RANBP17: variants seen among roughly 807,000 people sequenced by gnomAD.
RANBP17 encodes ran-binding protein 17.
A neutral mutation model predicts 141.2 loss-of-function variants in RANBP17; 158 were observed. The ratio of observed to expected loss-of-function variants is 1.12; its 90% CI spans 0.98 to 1.28. The LOEUF is 1.28. RANBP17 is among the 50% of genes most tolerant of loss of function. The probability of loss-of-function intolerance (pLI) is 0.00; values close to 1 mark genes in which losing one functional copy is unlikely to be tolerated. For synonymous variants in RANBP17, 430 were observed against 450.0 expected, an observed-to-expected ratio of 0.96 and a Z score of 0.56; for missense variants, 1,438 against 1,290.7, an observed-to-expected ratio of 1.11 and a Z score of -1.75.
intron 14 of RANBP17, among the ~76,000 whole-genome samples, chr5:171,007,523 G>A (rs1489019416): frequency 6.6e-6 from 1 of 152,122 alleles, no homozygotes; most frequent in Non-Finnish European, 1.5e-5. Flanking sequence ...AAGACTCAGC[G>A]ATGCTTGGGG....
intron 14 of RANBP17, among the ~76,000 whole-genome samples, chr5:171,144,728 C>A (rs1166177099): frequency 6.6e-6 from 1 of 152,126 alleles, no homozygotes; most frequent in East Asian, 1.9e-4. Flanking sequence ...TCTGTGAAAT[C>A]CCTTTTTGTG....
At chr5:171,053,896 TA>T (rs1783146820) in intron 14 of RANBP17, among the ~76,000 whole-genome samples, 2 of 129,288 alleles carry the variant, frequency 1.5e-5, no homozygotes, top group South Asian at 2.5e-4. Context: ...TATATATATA[TA>T]TATATATATA....
chr5:171,057,830 C>T (rs1266729197), intron 14 of RANBP17, among the ~76,000 whole-genome samples: 1 of 152,086 alleles, frequency 6.6e-6, no homozygotes, highest in Non-Finnish European at 1.5e-5. Flanking sequence ...TGAGAACTCA[C>T]TATCACAAGA....
At chr5:170,895,078 T>A (rs1317469313) in intron 4 of RANBP17, among the ~76,000 whole-genome samples, 1 of 152,168 alleles carries the variant, frequency 6.6e-6, no homozygotes, top group South Asian at 2.1e-4. Flanking sequence ...GATGGATGTT[T>A]CAGTGTGTAG....
intron 5 of RANBP17, among the ~76,000 whole-genome samples, chr5:170,901,082 T>G (rs1770595816): frequency 6.6e-6 from 1 of 152,198 alleles, no homozygotes; most frequent in East Asian, 1.9e-4. Flanking sequence ...TTCTTTCTCG[T>G]TGATCTCTCT....
intron 5 of RANBP17, 76 bp downstream of exon 5, chr5:170,896,191 G>A: frequency 2.0e-6 from 2 of 1,024,804 alleles, no homozygotes; most frequent in Admixed American, 2.2e-5. Flanking sequence ...TTTATTTGTG[G>A]CAAAATAGAC....
At chr5:171,128,685 A>G (rs1290591959) in intron 14 of RANBP17, among the ~76,000 whole-genome samples, 2 of 152,216 alleles carry the variant, frequency 1.3e-5, no homozygotes, top group Non-Finnish European at 1.5e-5. Context: ...CAAAGAAGTG[A>G]CAAGTGTTTG....
chr5:171,125,147 A>AT lies in RANBP17; in HGVS notation c.1711-44981dup, dbSNP rs200164007. ...CCATCTCTATTGAAAAAATACAAAA[A>AT]TTAGCCAGGCGTGGTGGCAGATGCC... On this transcript the variant is annotated intron_variant, in intron 14 of 27. Transcript: ENST00000523189. Among the ~76,000 whole-genome samples the AT allele has an allele frequency of 9.2e-3, 1,397 of 152,194 alleles. 71 individuals are homozygous for AT. The highest frequency in any genetic ancestry group is 0.082 in the Admixed American group (1,249 of 15,272).
rs1159344330 is a variant in RANBP17, at chr5:170,955,648, GTATATATATATA to G, written c.1574+1969_1574+1980del. Reference sequence around the variant, plus strand: ...ATATATATATATATATATGCTCAGTGTATATATATATATATATATATATATATATATATACAC... The same window carrying G: ...ATATATATATATATATATGCTCAGTGTATATATATATATATATATATACAC... On this transcript the variant is annotated intron_variant, in intron 13 of 27. Transcript: ENST00000523189. Among the ~76,000 whole-genome samples, 46 of 21,770 alleles carry G rather than the reference GTATATATATATA, an allele frequency of 2.1e-3. 5 individuals are homozygous for G. In the East Asian group the frequency reaches 0.041, roughly 20 times the overall value. The allele number at this position is 21,770 out of a possible 152,430, so 14.3% of individuals were successfully genotyped here.
intron 14 of RANBP17, among the ~76,000 whole-genome samples, chr5:171,110,317 G>T (rs1755135163): frequency 6.6e-6 from 1 of 151,912 alleles, no homozygotes; most frequent in African/African-American, 2.4e-5. Flanking sequence ...AATATATTTG[G>T]AGTTTAAGTA....
chr5:171,152,689 C>G (rs1333803992), intron 14 of RANBP17, among the ~76,000 whole-genome samples: 1 of 152,146 alleles, frequency 6.6e-6, no homozygotes, highest in African/African-American at 2.4e-5. Context: ...CTGTTCTCTT[C>G]CTCCTTCTGC....
intron 14 of RANBP17, among the ~76,000 whole-genome samples, chr5:171,060,337 C>T (rs1194287156): frequency 1.3e-5 from 2 of 150,476 alleles, no homozygotes; most frequent in African/African-American, 4.9e-5. Flanking sequence ...GAGATACGTC[C>T]CATCAATACC....
At chr5:171,007,412 A>G (rs1338625755) in intron 14 of RANBP17, among the ~76,000 whole-genome samples, 1 of 152,130 alleles carries the variant, frequency 6.6e-6, no homozygotes, top group African/African-American at 2.4e-5. Context: ...AGGCTGAAGA[A>G]GAGTTGGAGC....
chr5:171,139,247 T>G (rs1207940826), intron 14 of RANBP17, among the ~76,000 whole-genome samples: 4 of 152,194 alleles, frequency 2.6e-5, no homozygotes, highest in Admixed American at 1.3e-4. Flanking sequence ...GATAGTTCCC[T>G]CATTTGGCAG....
intron 25 of RANBP17, among the ~76,000 whole-genome samples, chr5:171,274,357 GT>G (rs954800720): frequency 2.0e-5 from 3 of 151,882 alleles, no homozygotes; most frequent in African/African-American, 7.3e-5. Context: ...AGAAACACTA[GT>G]TTTTTTAATA....
intron 13 of RANBP17, among the ~76,000 whole-genome samples, chr5:170,966,031 T>C (rs1776534632): frequency 1.3e-5 from 2 of 152,156 alleles, no homozygotes; most frequent in African/African-American, 2.4e-5. Flanking sequence ...TAACAGGCTC[T>C]GAAATTGTGG....
At chr5:171,038,127 A>G (rs1782001997) in intron 14 of RANBP17, among the ~76,000 whole-genome samples, 1 of 151,188 alleles carries the variant, frequency 6.6e-6, no homozygotes, top group Admixed American at 6.6e-5. Context: ...CCTTGTAGAA[A>G]TCTTTACCTT....
intron 14 of RANBP17, among the ~76,000 whole-genome samples, chr5:171,091,017 C>T (rs1277483188): frequency 6.6e-6 from 1 of 152,212 alleles, no homozygotes; most frequent in Non-Finnish European, 1.5e-5. Context: ...AGAGTCCCTT[C>T]TGGAACATTG....
intron 5 of RANBP17, chr5:170,897,004 A>G (rs1456747293): frequency 9.0e-7 from 1 of 1,111,688 alleles, no homozygotes; most frequent in East Asian, 2.9e-5. Flanking sequence ...CCTGGCACTA[A>G]GGGAGCACGC....
Sources: allele counts gnomAD v4.1 joint callset (sites outside exome capture counted in the v4.1 genomes callset), GRCh38; gene constraint gnomAD v4.1.1; transcripts MANE v1.5; gene names NCBI Gene and HGNC (gene_info 2026-07-23, HGNC 2026-07-21).